Variants in VEGFC observed in about 807,000 individuals in gnomAD.
VEGFC encodes the protein FLT4 ligand DHM.
In VEGFC, 12 loss-of-function variants were observed where a neutral mutation model predicts 46.1. That is an observed-to-expected ratio of 0.26 (90% CI 0.17 to 0.42). The LOEUF (loss-of-function observed/expected upper bound fraction) is 0.42, where lower values mean the gene tolerates loss of function less well. Among genes scored for constraint, VEGFC ranks in the 10% least tolerant of loss-of-function variants. The pLI, the probability that VEGFC is intolerant of heterozygous loss-of-function variation, is 1.00. For synonymous variants in VEGFC, 232 were observed against 195.5 expected (o/e 1.19, Z -1.56); for missense variants, 488 against 529.4 (o/e 0.92, Z 0.77).
intron 6 of VEGFC, among the ~76,000 whole-genome samples, chr4:176,685,353 C>A (rs752223266): frequency 1.1e-4 from 16 of 152,138 alleles, no homozygotes; most frequent in Non-Finnish European, 1.5e-4. Flanking sequence ...GCCTACTGCA[C>A]TTTGTAATAG....
chr4:176,724,632 G>A (rs558709886), intron 3 of VEGFC, among the ~76,000 whole-genome samples: 1 of 152,308 alleles, frequency 6.6e-6, no homozygotes, highest in African/African-American at 2.4e-5. Flanking sequence ...CCTCAGGAAA[G>A]AGGAGACAGG....
chr4:176,692,545 G>A lies in VEGFC; in HGVS notation c.705-4618C>T, dbSNP rs1452004428. Among the ~76,000 whole-genome samples, 32 of 133,934 alleles carry A rather than the reference G, an allele frequency of 2.4e-4. 4 individuals carry two copies. The highest frequency in any genetic ancestry group is 1.1e-3 in the African/African-American group (29 of 27,346). 87.9% of individuals were successfully genotyped at this position (133,934 alleles called of 152,430 possible). A position where few individuals can be genotyped will look rare whatever the true frequency, so the allele number is the denominator to read the frequency against. ...CAAACTGCAAGGCGGCAATGAGGCT[G>A]GGGGAGGGACGCCCGCCATTGCCCA... is the stretch of plus-strand genomic sequence containing the variant. On this transcript the variant is annotated intron_variant, in intron 4 of 6. Transcript: ENST00000618562.
intron 3 of VEGFC, among the ~76,000 whole-genome samples, chr4:176,719,138 T>C (rs2111006752): frequency 6.6e-6 from 1 of 152,228 alleles, no homozygotes; most frequent in South Asian, 2.1e-4. Flanking sequence ...CCTGATAACC[T>C]CCCCTTCATT....
chr4:176,782,481 A>T (rs528317886), intron 1 of VEGFC, among the ~76,000 whole-genome samples: 82 of 148,792 alleles, frequency 5.5e-4, no homozygotes, highest in African/African-American at 1.1e-3. Flanking sequence ...AAAAAAAAAA[A>T]TTTTTAAATA....
chr4:176,764,858 G>A (rs983602207), intron 1 of VEGFC, among the ~76,000 whole-genome samples: 3 of 151,920 alleles, frequency 2.0e-5, no homozygotes, highest in Non-Finnish European at 2.9e-5. Context: ...AAAGTTTTCA[G>A]CAAATAAGAA....
chr4:176,761,333 T>TA (rs755954650), intron 1 of VEGFC, among the ~76,000 whole-genome samples: 5 of 152,188 alleles, frequency 3.3e-5, no homozygotes, highest in Non-Finnish European at 7.3e-5. Flanking sequence ...ATTGTGAATA[T>TA]AAAATCATAA....
At chr4:176,759,121 T>G (rs1735483784) in intron 1 of VEGFC, among the ~76,000 whole-genome samples, 4 of 152,194 alleles carry the variant, frequency 2.6e-5, no homozygotes, top group African/African-American at 7.2e-5. Context: ...ACTATACTTT[T>G]TATTGAACTT....
intron 4 of VEGFC, among the ~76,000 whole-genome samples, chr4:176,693,470 G>C (rs1249388901): frequency 7.1e-6 from 1 of 140,970 alleles, no homozygotes; most frequent in Non-Finnish European, 1.5e-5. Context: ...AGAAATATGG[G>C]ACTATGTGAA....
intron 1 of VEGFC, among the ~76,000 whole-genome samples, chr4:176,760,949 G>A (rs1735519866): frequency 6.6e-6 from 1 of 152,118 alleles, no homozygotes; most frequent in African/African-American, 2.4e-5. Context: ...TACATAGGTA[G>A]GAAAAAGAAG....
At chr4:176,706,694 T>C (rs73872158) in intron 4 of VEGFC, among the ~76,000 whole-genome samples, 83 of 149,966 alleles carry the variant, frequency 5.5e-4, no homozygotes, top group African/African-American at 2.0e-3. Context: ...CTTAAAAAAT[T>C]GTACTTAATA....
chr4:176,743,485 G>T (rs1189733342), intron 1 of VEGFC, among the ~76,000 whole-genome samples: 1 of 151,516 alleles, frequency 6.6e-6, no homozygotes, highest in Non-Finnish European at 1.5e-5. Flanking sequence ...CAATTATGTA[G>T]TCACCGGATA....
In VEGFC at chr4:176,760,278, C is replaced by CAA. The variant is rs1735506827; in HGVS notation, c.148-30533_148-30532insTT. 1.3e-4 allele frequency among the ~76,000 whole-genome samples: 20 copies of CAA among 152,128 alleles called. 1 individual carries two copies. The highest frequency in any genetic ancestry group is 1.2e-3 in the Admixed American group (19 of 15,270). On this transcript the variant is annotated intron_variant, in intron 1 of 6. Coordinates refer to ENST00000618562, the MANE Select transcript of VEGFC (RefSeq NM_005429.5). ...AATTACCTACAAAGATCTTAAAGTTCTTCTGTAACTTGAAAAACAATTCAA... is the reference window on the plus strand; with the variant it reads ...AATTACCTACAAAGATCTTAAAGTTCAATTCTGTAACTTGAAAAACAATTCAA...
intron 6 of VEGFC, among the ~76,000 whole-genome samples, chr4:176,685,037 C>T (rs1280822077): frequency 6.6e-6 from 1 of 152,090 alleles, no homozygotes; most frequent in Admixed American, 6.6e-5. Flanking sequence ...AGAATTGGAG[C>T]TATCTTTTAA....
Position 176,727,802 on chromosome 4 carries a change from G to A in VEGFC, c.528C>T (p.Thr176=). The change falls in exon 3 of 7, where the codon ACC becomes ACT. Residue 176 remains threonine, a synonymous_variant. Transcript: ENST00000618562. ...CCGTCTTGCTGAGGTAGCTCGTGCT[G>A]GTGTTCATGCACTGCAGCCCCTCAC... ...CNSEGLQCMN[T]STSYLSKTLF... The A allele has an allele frequency of 6.2e-7, 1 of 1,613,486 alleles. No homozygotes were observed. Among genetic ancestry groups the A allele is most frequent in the Middle Eastern group, 1.7e-4 (1 of 6,050 alleles).
At chr4:176,775,938 C>A (rs1188308549) in intron 1 of VEGFC, among the ~76,000 whole-genome samples, 1 of 151,978 alleles carries the variant, frequency 6.6e-6, no homozygotes, top group East Asian at 1.9e-4. Context: ...AAAAAAGAAC[C>A]TTTATTTATT....
intron 1 of VEGFC, among the ~76,000 whole-genome samples, chr4:176,753,302 G>A (rs187064896): frequency 3.9e-5 from 6 of 152,152 alleles, no homozygotes; most frequent in Admixed American, 3.3e-4. Flanking sequence ...TTATGTACAG[G>A]CTTAAGAAGA....
intron 3 of VEGFC, among the ~76,000 whole-genome samples, chr4:176,714,958 C>T (rs2111002614): frequency 6.6e-6 from 1 of 152,272 alleles, no homozygotes; most frequent in Non-Finnish European, 1.5e-5. Flanking sequence ...TTTGAATACA[C>T]TGACTAAAAG....
intron 4 of VEGFC, among the ~76,000 whole-genome samples, chr4:176,705,702 G>T (rs976050197): frequency 1.3e-5 from 2 of 152,044 alleles, no homozygotes; most frequent in African/African-American, 4.8e-5. Context: ...AACATGGATT[G>T]CTGGTTATAA....
At chr4:176,726,522 T>C (rs1734876542) in intron 3 of VEGFC, among the ~76,000 whole-genome samples, 1 of 152,214 alleles carries the variant, frequency 6.6e-6, no homozygotes, top group African/African-American at 2.4e-5. Context: ...AAATGGCTTG[T>C]TTCTTTATCA....
Sources: allele counts gnomAD v4.1 joint callset (sites outside exome capture counted in the v4.1 genomes callset), GRCh38; gene constraint gnomAD v4.1.1; transcripts MANE v1.5; gene names NCBI Gene and HGNC (gene_info 2026-07-23, HGNC 2026-07-21).